MAGI2: variants seen among roughly 807,000 people sequenced by gnomAD.
MAGI2 encodes the protein membrane-associated guanylate kinase, WW and PDZ domain-containing protein 2.
In MAGI2, 35 loss-of-function variants were observed where a neutral mutation model predicts 133.3. The observed-to-expected ratio is 0.26, with a 90% CI of 0.20 to 0.35. MAGI2 has a LOEUF of 0.35. MAGI2 is among the 10% of genes least tolerant of loss of function. The probability of loss-of-function intolerance (pLI) is 1.00; values close to 1 mark genes in which losing one functional copy is unlikely to be tolerated. For synonymous variants in MAGI2, 729 were observed against 710.6 expected (o/e 1.03, Z -0.41); for missense variants, 1,636 against 1,863.4 (o/e 0.88, Z 2.25).
intron 2 of MAGI2, among the ~76,000 whole-genome samples, chr7:78,659,874 T>C (rs1812743391): frequency 6.6e-6 from 1 of 152,134 alleles, no homozygotes; most frequent in Admixed American, 6.5e-5. Context: ...AAAGGTTCAA[T>C]TTTAAAAAAG....
At chr7:78,651,824 C>G (rs1350237033) in intron 2 of MAGI2, among the ~76,000 whole-genome samples, 1 of 151,896 alleles carries the variant, frequency 6.6e-6, no homozygotes, top group Non-Finnish European at 1.5e-5. Context: ...TGGAACATAT[C>G]CCCCTGCCTT....
intron 1 of MAGI2, among the ~76,000 whole-genome samples, chr7:79,223,317 C>T (rs1182159299): frequency 2.6e-5 from 4 of 151,910 alleles, no homozygotes; most frequent in Non-Finnish European, 5.9e-5. Context: ...TATTTGAATG[C>T]TTGATTTTTT....
intron 2 of MAGI2, among the ~76,000 whole-genome samples, chr7:78,830,874 C>G (rs1031594609): frequency 6.6e-6 from 1 of 152,096 alleles, no homozygotes; most frequent in African/African-American, 2.4e-5. Context: ...CCTCCTGAGA[C>G]TTGAATATTA....
At chr7:78,641,903 A>G (rs117322955) in intron 2 of MAGI2, among the ~76,000 whole-genome samples, 327 of 152,286 alleles carry the variant, frequency 2.1e-3, no homozygotes, top group Non-Finnish European at 3.6e-3. Context: ...GTGGAAACAC[A>G]TCTGTTCCTA....
At chr7:79,075,484 G>T (rs1007746185) in intron 1 of MAGI2, among the ~76,000 whole-genome samples, 16 of 152,124 alleles carry the variant, frequency 1.1e-4, no homozygotes, top group African/African-American at 3.6e-4. Flanking sequence ...CATTAGGCTG[G>T]GAGTGGTGGC....
At chr7:78,573,284 T>TTATATAAATATATATATTTATA (rs1409650164) in intron 3 of MAGI2, among the ~76,000 whole-genome samples, 2 of 26,874 alleles carry the variant, frequency 7.4e-5, no homozygotes, top group Non-Finnish European at 1.2e-4. Context: ...ATATATATAT[T>TTATATAAATATATATATTTATA]TATATAAATA....
chr7:78,575,065 C>A (rs560381301), intron 3 of MAGI2, among the ~76,000 whole-genome samples: 1 of 152,246 alleles, frequency 6.6e-6, no homozygotes, highest in South Asian at 2.1e-4. Flanking sequence ...TGAGTGAGAA[C>A]TGATTGCCCA....
chr7:78,358,198 TATATATATATATATA>T (rs1226720442), intron 7 of MAGI2: 2 of 16,420 alleles, frequency 1.2e-4, no homozygotes, highest in Non-Finnish European at 1.9e-4. Flanking sequence ...AAAAAAAAAA[TATATATATATATATA>T]TATATATATA....
chr7:78,342,234 G>A (rs190021439), intron 9 of MAGI2, among the ~76,000 whole-genome samples: 61 of 152,248 alleles, frequency 4.0e-4, no homozygotes, highest in African/African-American at 1.4e-3. Flanking sequence ...TCAGAGAAAT[G>A]CAAATCAAAA....
intron 2 of MAGI2, among the ~76,000 whole-genome samples, chr7:78,997,892 A>T (rs1325378341): frequency 1.3e-5 from 2 of 152,240 alleles, no homozygotes; most frequent in Non-Finnish European, 2.9e-5. Flanking sequence ...CATTTCATAA[A>T]GATTACAATA....
At chr7:78,904,442 G>T (rs1396104383) in intron 2 of MAGI2, among the ~76,000 whole-genome samples, 1 of 151,914 alleles carries the variant, frequency 6.6e-6, no homozygotes, top group Admixed American at 6.6e-5. Flanking sequence ...ACTGTTAGAA[G>T]ATCATACATT....
intron 6 of MAGI2, among the ~76,000 whole-genome samples, chr7:78,428,500 T>C (rs1799495276): frequency 1.3e-5 from 2 of 152,170 alleles, no homozygotes; most frequent in Non-Finnish European, 2.9e-5. Flanking sequence ...ATTTAAAAAT[T>C]GACATGTAAT....
chr7:78,917,947 A>G (rs1005640679), intron 2 of MAGI2, among the ~76,000 whole-genome samples: 1 of 152,164 alleles, frequency 6.6e-6, no homozygotes, highest in African/African-American at 2.4e-5. Context: ...GCATGCCACC[A>G]TCTTAGTACC....
chr7:79,074,827 C>G (rs1046717077), intron 1 of MAGI2, among the ~76,000 whole-genome samples: 2 of 152,194 alleles, frequency 1.3e-5, no homozygotes, highest in African/African-American at 4.8e-5. Context: ...GGATCTATCT[C>G]TGTTAGGGTG....
Position 79,121,039 on chromosome 7 carries a change from T to A in MAGI2, c.302-113833A>T, listed in dbSNP as rs191256995. 3.1e-3 allele frequency among the ~76,000 whole-genome samples: 470 copies of A among 152,110 alleles called. 6 individuals are homozygous for A. The highest frequency in any genetic ancestry group is 1.2e-3 in the East Asian group (6 of 5,176). Reference sequence around the variant, plus strand: ...AAAATCAGAAACCTCCTAATCAGAGTAAATACTAGGATACTTCCCCCACAT... The same window carrying A: ...AAAATCAGAAACCTCCTAATCAGAGAAAATACTAGGATACTTCCCCCACAT... On this transcript the variant is annotated intron_variant, in intron 1 of 21. Coordinates refer to ENST00000354212, the MANE Select transcript of MAGI2 (RefSeq NM_012301.4).
At chr7:79,159,034 G>A (rs1346292398) in intron 1 of MAGI2, among the ~76,000 whole-genome samples, 1 of 151,886 alleles carries the variant, frequency 6.6e-6, no homozygotes, top group African/African-American at 2.4e-5. Flanking sequence ...AAGTTAAAAG[G>A]AACCAGGAAA....
intron 2 of MAGI2, among the ~76,000 whole-genome samples, chr7:78,664,246 C>T (rs942879270): frequency 6.6e-6 from 1 of 152,168 alleles, no homozygotes; most frequent in Admixed American, 6.5e-5. Flanking sequence ...TTCTACTTTT[C>T]TCCTTTCACC....
chr7:79,210,504 T>G (rs534694234), intron 1 of MAGI2, among the ~76,000 whole-genome samples: 1 of 152,032 alleles, frequency 6.6e-6, no homozygotes, highest in African/African-American at 2.4e-5. Flanking sequence ...TGACTAATAA[T>G]AGTCTAACAT....
At chr7:79,175,163 T>C (rs1825981938) in intron 1 of MAGI2, among the ~76,000 whole-genome samples, 1 of 151,842 alleles carries the variant, frequency 6.6e-6, no homozygotes, top group Non-Finnish European at 1.5e-5. Context: ...GAAAACAATC[T>C]ATAAATGAGA....
Sources: allele counts gnomAD v4.1 joint callset (sites outside exome capture counted in the v4.1 genomes callset), GRCh38; gene constraint gnomAD v4.1.1; transcripts MANE v1.5; gene names NCBI Gene and HGNC (gene_info 2026-07-23, HGNC 2026-07-21).